Variants in CSGALNACT1 observed in about 807,000 individuals in gnomAD.
The protein encoded by CSGALNACT1 is chondroitin sulfate N-acetylgalactosaminyltransferase 1.
Under a neutral mutation model 51.0 loss-of-function variants are expected in CSGALNACT1, and 52 were observed. The observed-to-expected ratio is 1.02, with a 90% CI of 0.82 to 1.29. CSGALNACT1 has a LOEUF of 1.29. CSGALNACT1 is among the 50% of genes most tolerant of loss of function. The pLI, the probability that CSGALNACT1 is intolerant of heterozygous loss-of-function variation, is 0.00. For missense variants in CSGALNACT1, 935 were observed against 679.2 expected, an observed-to-expected ratio of 1.38 and a Z score of -4.19; for synonymous variants, 341 against 254.4, an observed-to-expected ratio of 1.34 and a Z score of -3.24.
intron 4 of CSGALNACT1, among the ~76,000 whole-genome samples, chr8:19,471,906 T>C (rs1327261818): frequency 6.6e-6 from 1 of 152,178 alleles, no homozygotes; most frequent in Non-Finnish European, 1.5e-5. Flanking sequence ...CAATGCTGTC[T>C]CTAGAGCTGG....
intron 1 of CSGALNACT1, among the ~76,000 whole-genome samples, chr8:19,616,042 A>C (rs2052958520): frequency 6.6e-6 from 1 of 152,240 alleles, no homozygotes; most frequent in South Asian, 2.1e-4. Context: ...TGGATATACA[A>C]GATTGAATAA....
At chr8:19,733,630 G>A (rs1275019708) in intron 1 of CSGALNACT1, among the ~76,000 whole-genome samples, 5 of 152,130 alleles carry the variant, frequency 3.3e-5, no homozygotes, top group Non-Finnish European at 5.9e-5. Flanking sequence ...TCTGTGTGCC[G>A]AGTGGTCTAT....
At chr8:19,411,837 T>C (rs2055826162) in intron 8 of CSGALNACT1, among the ~76,000 whole-genome samples, 1 of 150,256 alleles carries the variant, frequency 6.7e-6, no homozygotes, top group South Asian at 2.1e-4. Context: ...ATCCTCCTTT[T>C]TTTTTTTTTT....
chr8:19,612,947 A>G (rs868501641), intron 1 of CSGALNACT1, among the ~76,000 whole-genome samples: 542 of 49,758 alleles, frequency 0.011, 6 homozygotes, highest in African/African-American at 0.049. Context: ...AAGCAGCTGG[A>G]AAAAAAAAAA....
intron 6 of CSGALNACT1, among the ~76,000 whole-genome samples, chr8:19,426,633 T>A (rs796913946): frequency 3.3e-5 from 5 of 152,344 alleles, no homozygotes; most frequent in African/African-American, 1.2e-4. Context: ...TATTATCAAC[T>A]GACAAAACTC....
At chr8:19,497,755 T>C (rs955109738) in intron 4 of CSGALNACT1, among the ~76,000 whole-genome samples, 1 of 152,154 alleles carries the variant, frequency 6.6e-6, no homozygotes, top group Non-Finnish European at 1.5e-5. Flanking sequence ...AGTCAAACTG[T>C]GAACTGCTCA....
At chr8:19,733,873 A>C (rs1403124270) in intron 1 of CSGALNACT1, among the ~76,000 whole-genome samples, 1 of 152,158 alleles carries the variant, frequency 6.6e-6, no homozygotes, top group Non-Finnish European at 1.5e-5. Context: ...CTGAATACTG[A>C]AAAGGAAGGA....
intron 6 of CSGALNACT1, among the ~76,000 whole-genome samples, chr8:19,435,943 C>G (rs988472450): frequency 1.3e-5 from 2 of 152,152 alleles, no homozygotes; most frequent in Non-Finnish European, 2.9e-5. Flanking sequence ...ATCCTTACTA[C>G]TTGTGCTTCA....
In CSGALNACT1 at chr8:19,537,688, C is replaced by T. The variant is rs182643497; in HGVS notation, c.-296-31558G>A. 3.9e-5 allele frequency among the ~76,000 whole-genome samples: 6 copies of T among 152,224 alleles called. No homozygotes were observed. In the East Asian group the frequency reaches 7.7e-4, roughly 20 times the overall value. The stretch of plus-strand genomic sequence containing the variant: ...CCAGTGATCCTTCAGTTGACAAATC[C>T]ATAAGCAAACAAAAGAAAAAGGAAC... On this transcript the variant is annotated intron_variant, in intron 3 of 9. Coordinates refer to ENST00000454498, the Ensembl canonical transcript of CSGALNACT1.
chr8:19,509,621 CAAAAAA>C (rs755422032), intron 3 of CSGALNACT1, among the ~76,000 whole-genome samples: 91 of 56,984 alleles, frequency 1.6e-3, no homozygotes, highest in African/African-American at 5.3e-3. Flanking sequence ...GACTCTGTCT[CAAAAAA>C]AAAAAAAAAA....
At chr8:19,418,573 A>G (rs1243547832) in intron 8 of CSGALNACT1, 83 bp downstream of exon 7, 3 of 893,640 alleles carry the variant, frequency 3.4e-6, no homozygotes, top group African/African-American at 3.3e-5. Context: ...ATTTCTACTC[A>G]CCTTTGCTCA....
At chr8:19,649,604 A>G (rs1407261355) in intron 1 of CSGALNACT1, among the ~76,000 whole-genome samples, 2 of 152,042 alleles carry the variant, frequency 1.3e-5, no homozygotes, top group African/African-American at 4.8e-5. Context: ...AATTCTATAC[A>G]GAATTCACAG....
At chr8:19,605,780 C>G (rs2154148515), upstream of CSGALNACT1, among the ~76,000 whole-genome samples, 1 of 152,256 alleles carries the variant, frequency 6.6e-6, no homozygotes, top group South Asian at 2.1e-4. Flanking sequence ...ATTAGCAGTC[C>G]TCTATAAATA....
intron 3 of CSGALNACT1, among the ~76,000 whole-genome samples, chr8:19,548,991 A>C (rs928818740): frequency 1.3e-5 from 2 of 151,850 alleles, no homozygotes; most frequent in Non-Finnish European, 2.9e-5. Flanking sequence ...ATACTCTTTG[A>C]AATTTTACAG....
At chr8:19,499,220 G>A (rs759067586) in intron 4 of CSGALNACT1, among the ~76,000 whole-genome samples, 8 of 152,208 alleles carry the variant, frequency 5.3e-5, no homozygotes, top group Admixed American at 2.0e-4. Flanking sequence ...CTGGGCTTGC[G>A]TAGATGCCCC....
chr8:19,616,645 T>A (rs969812898), intron 1 of CSGALNACT1, among the ~76,000 whole-genome samples: 2 of 152,102 alleles, frequency 1.3e-5, no homozygotes, highest in Non-Finnish European at 2.9e-5. Flanking sequence ...CCTTGCAAGA[T>A]CTGGTTGTTT....
At chr8:19,603,087 C>CAG (rs1340018814), upstream of CSGALNACT1, among the ~76,000 whole-genome samples, 6 of 121,374 alleles carry the variant, frequency 4.9e-5, no homozygotes, top group African/African-American at 1.8e-4. Context: ...CACACACACA[C>CAG]AGAATTGCTC....
At chr8:19,553,901 G>C (rs921872865) in intron 3 of CSGALNACT1, among the ~76,000 whole-genome samples, 1 of 114,158 alleles carries the variant, frequency 8.8e-6, no homozygotes, top group East Asian at 2.5e-4. Flanking sequence ...AGAACTCGTA[G>C]AACACACACA....
At chr8:19,476,004 A>G (rs2069514030) in intron 4 of CSGALNACT1, among the ~76,000 whole-genome samples, 1 of 152,212 alleles carries the variant, frequency 6.6e-6, no homozygotes, top group Non-Finnish European at 1.5e-5. Flanking sequence ...GAAACAGAAG[A>G]AAGACAATTG....
Sources: gnomAD v4.1 joint callset for allele counts (sites outside exome capture counted in the v4.1 genomes callset) on GRCh38, gnomAD v4.1.1 for gene constraint, MANE v1.5 for transcripts, NCBI Gene and HGNC (gene_info 2026-07-23, HGNC 2026-07-21) for gene names.